The following SLIT3 variants were observed in gnomAD, a reference collection of about 807,000 sequenced individuals.
The protein encoded by SLIT3 is slit homolog 3 protein.
SLIT3 carries 68 observed loss-of-function variants against 184.0 expected under a neutral mutation model. The observed-to-expected ratio is 0.37, with a 90% confidence interval of 0.30 to 0.45. The LOEUF (loss-of-function observed/expected upper bound fraction) is 0.45, where lower values mean the gene tolerates loss of function less well. Ranked by LOEUF, SLIT3 falls within the 20% of genes least tolerant of loss-of-function variation. The probability of loss-of-function intolerance (pLI) is 1.00; values close to 1 mark genes in which losing one functional copy is unlikely to be tolerated. For missense variants in SLIT3, 1,707 were observed against 2,026.0 expected (o/e 0.84, Z 3.02); for synonymous variants, 831 against 828.6 (o/e 1.00, Z -0.05).
At chr5:169,268,659 T>TTTCA (rs1766487994) in intron 1 of SLIT3, among the ~76,000 whole-genome samples, 3 of 152,176 alleles carry the variant, frequency 2.0e-5, no homozygotes, top group African/African-American at 7.2e-5. Context: ...CCAGTCCCAG[T>TTTCA]TTCATTACTA....
chr5:168,967,682 C>G (rs535132007), intron 4 of SLIT3, among the ~76,000 whole-genome samples: 3 of 139,754 alleles, frequency 2.1e-5, no homozygotes, highest in African/African-American at 7.5e-5. Flanking sequence ...CCTCGTGATC[C>G]GCCCGCCTCG....
intron 5 of SLIT3, among the ~76,000 whole-genome samples, chr5:168,850,073 A>G (rs1270866722): frequency 2.0e-5 from 3 of 152,234 alleles, no homozygotes; most frequent in African/African-American, 4.8e-5. Flanking sequence ...TTTGAAAAAA[A>G]TAAAGCTCAA....
chr5:169,148,132 T>C (rs1291193143), intron 4 of SLIT3, among the ~76,000 whole-genome samples: 1 of 152,186 alleles, frequency 6.6e-6, no homozygotes, highest in Non-Finnish European at 1.5e-5. Context: ...CTCCAAGTCC[T>C]TCCAGAGTAA....
At chr5:168,913,150 G>T (rs191707488) in intron 4 of SLIT3, among the ~76,000 whole-genome samples, 2 of 152,298 alleles carry the variant, frequency 1.3e-5, no homozygotes, top group Non-Finnish European at 1.5e-5. Context: ...GAACTTACTA[G>T]GTTGGTGCAA....
At chr5:168,925,073 C>T (rs1761770915) in intron 4 of SLIT3, among the ~76,000 whole-genome samples, 1 of 152,162 alleles carries the variant, frequency 6.6e-6, no homozygotes, top group Non-Finnish European at 1.5e-5. Context: ...TTCTGTTAAC[C>T]TCCTAAATTC....
At position 169,170,213 on chromosome 5, in the gene SLIT3, A is replaced by T. The variant is rs183521680; in HGVS notation, c.413+23266T>A. 1.4e-4 allele frequency among the ~76,000 whole-genome samples: 22 copies of T among 152,304 alleles called. No individual in the cohort carries two copies. The East Asian group carries it at 4.1e-3, about 28-fold the overall frequency. ...CTGGCTTTCAGATCCTGGGAAGAGC[A>T]TCTGAGGACCACAATGTTGCTAGGC... On this transcript the variant is annotated intron_variant, in intron 4 of 35. Coordinates refer to ENST00000519560, the MANE Select transcript of SLIT3 (RefSeq NM_003062.4).
chr5:169,056,339 G>T (rs1758001231), intron 4 of SLIT3, among the ~76,000 whole-genome samples: 2 of 152,168 alleles, frequency 1.3e-5, no homozygotes, highest in Non-Finnish European at 2.9e-5. Flanking sequence ...GAGTCCAAAA[G>T]ATTCCTCAAT....
chr5:168,749,451 C>G, intron 19 of SLIT3, 21 bp downstream of exon 19: 1 of 1,613,852 alleles, frequency 6.2e-7, no homozygotes, highest in Non-Finnish European at 8.5e-7. Flanking sequence ...CCCCGCAGAC[C>G]TTGACCCACA....
At chr5:169,044,554 GTAGAT>G (rs1757559156) in intron 4 of SLIT3, among the ~76,000 whole-genome samples, 1 of 138,026 alleles carries the variant, frequency 7.2e-6, no homozygotes, top group African/African-American at 2.7e-5. Flanking sequence ...GAGACAAAAA[GTAGAT>G]TAGTATTTGC....
chr5:169,132,176 A>G (rs1761324623), intron 4 of SLIT3, among the ~76,000 whole-genome samples: 1 of 152,192 alleles, frequency 6.6e-6, no homozygotes, highest in Non-Finnish European at 1.5e-5. Context: ...AACGGGGTAA[A>G]GAAAAAGGAA....
At position 169,193,538 on chromosome 5, in the gene SLIT3, C is replaced by T; in HGVS notation, c.354G>A (p.Lys118=). 1 of 1,614,056 alleles carries T rather than the reference C, an allele frequency of 6.2e-7. No homozygotes were observed. The highest frequency in any genetic ancestry group is 8.5e-7 in the Non-Finnish European group (1 of 1,179,940). Residue 118 remains lysine, a synonymous_variant, in exon 4 of 36, where the codon AAG becomes AAA. Coordinates refer to ENST00000519560, the MANE Select transcript of SLIT3 (RefSeq NM_003062.4). ...LKQLERLRLN[K]NKLQVLPELL... Reference sequence around the variant, plus strand: ...ATTCTGGAAGGACTTGCAGCTTATTCTTGTTCAGGCGCCTAAAGAGGAAAG... The same window carrying T: ...ATTCTGGAAGGACTTGCAGCTTATTTTTGTTCAGGCGCCTAAAGAGGAAAG...
At chr5:169,253,983 TC>T (rs1765863555) in intron 1 of SLIT3, among the ~76,000 whole-genome samples, 1 of 152,120 alleles carries the variant, frequency 6.6e-6, no homozygotes, top group African/African-American at 2.4e-5. Context: ...GGCTCTCCCC[TC>T]CCACTGAGCT....
intron 6 of SLIT3, among the ~76,000 whole-genome samples, chr5:168,842,889 A>G (rs1758319435): frequency 6.6e-6 from 1 of 152,166 alleles, no homozygotes; most frequent in South Asian, 2.1e-4. Flanking sequence ...AAGGGAGGAA[A>G]AAGGTGATGT....
At chr5:169,025,697 T>G (rs1024303140) in intron 4 of SLIT3, among the ~76,000 whole-genome samples, 1 of 152,180 alleles carries the variant, frequency 6.6e-6, no homozygotes, top group African/African-American at 2.4e-5. Context: ...AGTCATGGTA[T>G]GCAAATAATT....
At chr5:169,127,847 C>A (rs187234100) in intron 4 of SLIT3, among the ~76,000 whole-genome samples, 1 of 152,222 alleles carries the variant, frequency 6.6e-6, no homozygotes, top group Non-Finnish European at 1.5e-5. Context: ...AGAGCTCTAA[C>A]AAGAAGGGTT....
At chr5:168,809,809 A>G (rs1186196516) in intron 8 of SLIT3, among the ~76,000 whole-genome samples, 1 of 152,230 alleles carries the variant, frequency 6.6e-6, no homozygotes, top group African/African-American at 2.4e-5. Context: ...AAATGTCACA[A>G]AGCTACAGAG....
chr5:168,772,651 A>C, intron 14 of SLIT3, 130 bp downstream of exon 14: 3 of 959,160 alleles, frequency 3.1e-6, no homozygotes, highest in Non-Finnish European at 4.7e-6. Context: ...GAATTTCCCC[A>C]ATTTAATTTG....
intron 20 of SLIT3, among the ~76,000 whole-genome samples, chr5:168,725,176 A>T (rs897749053): frequency 6.6e-6 from 1 of 152,094 alleles, no homozygotes; most frequent in African/African-American, 2.4e-5. Flanking sequence ...CACCCAACAG[A>T]TGGGGACTCC....
In SLIT3 at chr5:168,666,333, T is replaced by G; in HGVS notation, c.*121A>C. 1.1e-6 allele frequency: 1 copy of G among 947,808 alleles called. No individual in the cohort carries two copies. Among genetic ancestry groups the G allele is most frequent in the Non-Finnish European group, 1.5e-6 (1 of 674,794 alleles). 58.7% of individuals were successfully genotyped at this position (947,808 alleles called of 1,614,324 possible). A position where few individuals can be genotyped will look rare whatever the true frequency, so the allele number is the denominator to read the frequency against. ...ATTTTACAATATACTTAATATTCTCTTCTTCTTTACCTTCCTCTCCAGCTT... is the reference window on the plus strand; with the variant it reads ...ATTTTACAATATACTTAATATTCTCGTCTTCTTTACCTTCCTCTCCAGCTT... On this transcript the variant is annotated 3_prime_UTR_variant, in exon 36 of 36. Transcript: ENST00000519560.
Sources: allele counts gnomAD v4.1 joint callset (sites outside exome capture counted in the v4.1 genomes callset), GRCh38; gene constraint gnomAD v4.1.1; transcripts MANE v1.5; gene names NCBI Gene and HGNC (gene_info 2026-07-23, HGNC 2026-07-21).